The following SKAP1 variants were observed in gnomAD, a reference collection of about 807,000 sequenced individuals.
The protein encoded by SKAP1 is src kinase associated phosphoprotein 1, also known as src kinase-associated phosphoprotein 1.
A neutral mutation model predicts 58.5 loss-of-function variants in SKAP1; 44 were observed. The observed-to-expected ratio is 0.75, with a 90% CI of 0.59 to 0.97. The LOEUF (loss-of-function observed/expected upper bound fraction) is 0.97, where lower values mean the gene tolerates loss of function less well. SKAP1 is among the 50% of genes least tolerant of loss of function. SKAP1 has a pLI of 0.00. For synonymous variants in SKAP1, 127 were observed against 149.7 expected (o/e 0.85, Z 1.11); for missense variants, 390 against 435.2 (o/e 0.90, Z 0.92).
intron 4 of SKAP1, among the ~76,000 whole-genome samples, chr17:48,244,585 T>G (rs1402449523): frequency 6.6e-6 from 1 of 150,714 alleles, no homozygotes; most frequent in Non-Finnish European, 1.5e-5. Context: ...TTACTTCCTG[T>G]TAAAGGTTCC....
intron 4 of SKAP1, among the ~76,000 whole-genome samples, chr17:48,311,110 A>G (rs1463060972): frequency 6.6e-6 from 1 of 152,078 alleles, no homozygotes; most frequent in African/African-American, 2.4e-5. Flanking sequence ...CTCCGTTCAC[A>G]TTTGCATACA....
intron 11 of SKAP1, among the ~76,000 whole-genome samples, chr17:48,150,454 A>C (rs915594913): frequency 6.6e-6 from 1 of 152,230 alleles, no homozygotes; most frequent in Admixed American, 6.5e-5. Context: ...ACAATGTTTC[A>C]AAAGGCATTG....
At chr17:48,344,329 A>G in intron 4 of SKAP1, 1 of 338,828 alleles carries the variant, frequency 3.0e-6, no homozygotes, top group Non-Finnish European at 4.2e-6. Flanking sequence ...TGGGCTGAGA[A>G]ACCAAAACAC....
intron 4 of SKAP1, among the ~76,000 whole-genome samples, chr17:48,232,695 C>A (rs2065138585): frequency 6.6e-6 from 1 of 152,132 alleles, no homozygotes; most frequent in African/African-American, 2.4e-5. Flanking sequence ...GTTTCAATAG[C>A]TTGTTCAGAC....
At chr17:48,350,392 G>A (rs1291733418) in intron 3 of SKAP1, among the ~76,000 whole-genome samples, 4 of 152,116 alleles carry the variant, frequency 2.6e-5, no homozygotes, top group Admixed American at 6.6e-5. Flanking sequence ...TTTATATGGC[G>A]TGGTTAAAAA....
intron 3 of SKAP1, among the ~76,000 whole-genome samples, chr17:48,360,291 A>G (rs1228183188): frequency 1.3e-5 from 2 of 152,150 alleles, no homozygotes; most frequent in Non-Finnish European, 2.9e-5. Context: ...TAAATTTTGA[A>G]TTATAAACAT....
chr17:48,363,760 A>G (rs1210653796), intron 3 of SKAP1, 29 bp downstream of exon 3: 1 of 1,586,256 alleles, frequency 6.3e-7, no homozygotes, highest in Non-Finnish European at 8.6e-7. Flanking sequence ...TTTTTAGCAT[A>G]AAACCATACG....
chr17:48,201,817 CTG>C (rs1350349483), intron 4 of SKAP1, among the ~76,000 whole-genome samples: 1 of 152,198 alleles, frequency 6.6e-6, no homozygotes, highest in African/African-American at 2.4e-5. Flanking sequence ...AGGCAAAAGA[CTG>C]TGCCAAATGA....
intron 8 of SKAP1, 59 bp downstream of exon 8, chr17:48,182,335 G>A (rs2064380419): frequency 8.2e-7 from 1 of 1,221,616 alleles, no homozygotes; most frequent in Non-Finnish European, 1.2e-6. Flanking sequence ...TTATATTTAT[G>A]CAACATAACT....
chr17:48,248,183 C>T lies in SKAP1; in HGVS notation c.281-58683G>A, dbSNP rs556900655. 4.6e-5 allele frequency among the ~76,000 whole-genome samples: 7 copies of T among 152,266 alleles called. No homozygotes were observed. The South Asian group carries it at 6.2e-4, about 14-fold the overall frequency. The stretch of plus-strand genomic sequence containing the variant: ...CATTTATTCTTCCAAGGATGGCCTG[C>T]GCAGGAACAGGTAGTCTTCTTAGTT... On this transcript the variant is annotated intron_variant, in intron 4 of 12. Coordinates refer to ENST00000336915, the MANE Select transcript of SKAP1 (RefSeq NM_003726.4).
chr17:48,144,160 T>C (rs777641731), intron 11 of SKAP1, among the ~76,000 whole-genome samples: 7 of 152,218 alleles, frequency 4.6e-5, no homozygotes, highest in Non-Finnish European at 8.8e-5. Flanking sequence ...AGAGACCATA[T>C]GCATCCTGCT....
the SKAP1 span, among the ~76,000 whole-genome samples, chr17:48,438,561 C>A: frequency 6.6e-6 from 1 of 152,088 alleles, no homozygotes; most frequent in African/African-American, 2.4e-5. Flanking sequence ...CAGGCTCTAA[C>A]AAATCAAGGT....
At chr17:48,375,869 G>A (rs181111886) in intron 2 of SKAP1, among the ~76,000 whole-genome samples, 1 of 152,268 alleles carries the variant, frequency 6.6e-6, no homozygotes, top group East Asian at 1.9e-4. Context: ...TAGCATGGAT[G>A]GGAGGGAGAA....
upstream of SKAP1, among the ~76,000 whole-genome samples, chr17:48,434,159 C>T (rs965376572): frequency 1.3e-5 from 2 of 152,210 alleles, no homozygotes; most frequent in Non-Finnish European, 2.9e-5. Context: ...TCGGTCCCAA[C>T]CCCATCAACC....
chr17:48,444,933 A>G, the SKAP1 span, among the ~76,000 whole-genome samples: 1 of 152,128 alleles, frequency 6.6e-6, no homozygotes, highest in African/African-American at 2.4e-5. Flanking sequence ...TAAGATTTGC[A>G]CACCTTGGGT....
chr17:48,322,054 T>C (rs2066374537), intron 4 of SKAP1, among the ~76,000 whole-genome samples: 1 of 152,220 alleles, frequency 6.6e-6, no homozygotes, highest in Non-Finnish European at 1.5e-5. Context: ...TTGCTTATAG[T>C]TCATTATCTG....
chr17:48,394,334 T>A (rs530803131), intron 2 of SKAP1, among the ~76,000 whole-genome samples: 1 of 152,258 alleles, frequency 6.6e-6, no homozygotes, highest in South Asian at 2.1e-4. Flanking sequence ...ATTTGCCGTA[T>A]GTTTATTTTT....
At chr17:48,329,806 T>A (rs982491856) in intron 4 of SKAP1, among the ~76,000 whole-genome samples, 2 of 152,160 alleles carry the variant, frequency 1.3e-5, no homozygotes, top group Non-Finnish European at 2.9e-5. Flanking sequence ...TACAGAGACT[T>A]GATCAAATCC....
At chr17:48,224,983 T>C (rs1010601811) in intron 4 of SKAP1, among the ~76,000 whole-genome samples, 1 of 152,178 alleles carries the variant, frequency 6.6e-6, no homozygotes, top group Non-Finnish European at 1.5e-5. Context: ...TTGAATCTAC[T>C]CAATTTCAAC....
Sources: allele counts gnomAD v4.1 joint callset (sites outside exome capture counted in the v4.1 genomes callset), GRCh38; gene constraint gnomAD v4.1.1; transcripts MANE v1.5; gene names NCBI Gene and HGNC (gene_info 2026-07-23, HGNC 2026-07-21).